Variants in HNRNPH1 observed in about 807,000 individuals in gnomAD.
HNRNPH1 encodes the protein heterogeneous nuclear ribonucleoprotein H.
Under a neutral mutation model 58.6 loss-of-function variants are expected in HNRNPH1, and 4 were observed. The observed-to-expected ratio is 0.07, with a 90% CI of 0.03 to 0.16. The LOEUF (loss-of-function observed/expected upper bound fraction) is 0.16, where lower values mean the gene tolerates loss of function less well. Among genes scored for constraint, HNRNPH1 ranks in the 10% least tolerant of loss-of-function variants. The pLI, the probability that HNRNPH1 is intolerant of heterozygous loss-of-function variation, is 1.00. For missense variants in HNRNPH1, 271 were observed against 564.2 expected (o/e 0.48, Z 5.26); for synonymous variants, 192 against 189.2 (o/e 1.01, Z -0.12).
At chr5:179,619,167 T>TA in intron 4 of HNRNPH1, 102 bp downstream of exon 5, 1 of 1,030,314 alleles carries the variant, frequency 9.7e-7, no homozygotes. Context: ...ATCAATTACC[T>TA]AGGACTACAA....
chr5:179,622,988 G>T, intron 1 of HNRNPH1, 49 bp downstream of exon 2: 1 of 493,530 alleles, frequency 2.0e-6, no homozygotes, highest in Non-Finnish European at 3.0e-6. Flanking sequence ...CCGCCAGCCC[G>T]CCCGCCCCGG....
intron 2 of HNRNPH1, among the ~76,000 whole-genome samples, chr5:179,632,213 CAGG>C (rs1774896152): frequency 1.3e-5 from 2 of 151,938 alleles, no homozygotes; most frequent in Admixed American, 1.3e-4. Context: ...GAGGCTGAGG[CAGG>C]AGAATGGCGT....
At position 179,617,669 on chromosome 5, in the gene HNRNPH1, A is replaced by G; in HGVS notation, c.922-20T>C. The G allele has an allele frequency of 6.2e-7, 1 of 1,609,040 alleles. No homozygotes were observed. The highest frequency in any genetic ancestry group is 8.5e-7 in the Non-Finnish European group (1 of 1,177,648). ...AAAAAACTACAACACAAGGCATTTC[A>G]AAGAATTCAACCAACTTTCTAACGT... On this transcript the variant is annotated intron_variant, in intron 7 of 12. Coordinates refer to ENST00000356731, the Ensembl canonical transcript of HNRNPH1.
chr5:179,614,731 G>A, exon 13 of HNRNPH1: 1 of 607,000 alleles, frequency 1.6e-6, no homozygotes, highest in Non-Finnish European at 2.8e-6. Flanking sequence ...CTTAGAGTAA[G>A]CATAAATCAC....
upstream of HNRNPH1, among the ~76,000 whole-genome samples, chr5:179,627,882 A>G (rs1562365427): frequency 1.3e-5 from 2 of 151,314 alleles, no homozygotes; most frequent in Non-Finnish European, 2.9e-5. Context: ...AGATCCTGCC[A>G]CTGTACTCCA....
chr5:179,619,243 A>AT, intron 4 of HNRNPH1, 26 bp downstream of exon 5: 1 of 1,577,592 alleles, frequency 6.3e-7, no homozygotes, highest in South Asian at 1.2e-5. Flanking sequence ...GAAAAGTGAC[A>AT]TATCCAACCA....
At chr5:179,625,951 A>ATTTTTTTTTTTTTTTT (rs1381471661), upstream of HNRNPH1, among the ~76,000 whole-genome samples, 1 of 149,788 alleles carries the variant, frequency 6.7e-6, no homozygotes, top group African/African-American at 2.5e-5. Context: ...TTATTTATTT[A>ATTTTTTTTTTTTTTTT]TTTATTTATT....
intron 1 of HNRNPH1, among the ~76,000 whole-genome samples, chr5:179,622,497 G>A (rs1326067438): frequency 6.6e-6 from 1 of 152,186 alleles, no homozygotes; most frequent in Non-Finnish European, 1.5e-5. Context: ...GATCACTTGA[G>A]GTCAGATGTT....
intron 1 of HNRNPH1, 56 bp from the exon 3 acceptor site, chr5:179,621,453 G>GAC (rs1020374702): frequency 1.4e-6 from 2 of 1,464,146 alleles, no homozygotes; most frequent in Non-Finnish European, 1.9e-6. Context: ...ACCTCTGGGT[G>GAC]ACACAGATGA....
At chr5:179,621,960 G>A (rs1437826796) in intron 1 of HNRNPH1, 3 of 456,164 alleles carry the variant, frequency 6.6e-6, no homozygotes, top group African/African-American at 6.0e-5. Flanking sequence ...TTTACAGGTC[G>A]CTTTCCGTTA....
exon 10 of HNRNPH1, chr5:179,616,927 A>G: frequency 6.2e-7 from 1 of 1,614,156 alleles, no homozygotes; most frequent in Middle Eastern, 1.6e-4. Context: ...CTCCTGCTGT[A>G]GAATTCAAGA....
intron 10 of HNRNPH1, 149 bp downstream of exon 11, chr5:179,616,720 A>T: frequency 1.5e-6 from 1 of 680,422 alleles, no homozygotes; most frequent in Non-Finnish European, 2.5e-6. Context: ...CAAGGATTTA[A>T]GTAAGCCAGA....
At chr5:179,619,587 A>AT (rs1424827971) in intron 3 of HNRNPH1, 180 bp from the exon 5 acceptor site, 4 of 536,364 alleles carry the variant, frequency 7.5e-6, no homozygotes, top group East Asian at 6.1e-5. Context: ...ATTATAAAGT[A>AT]TAACTATTCT....
At chr5:179,626,136 C>T (rs1444969987), upstream of HNRNPH1, among the ~76,000 whole-genome samples, 1 of 146,648 alleles carries the variant, frequency 6.8e-6, no homozygotes, top group Non-Finnish European at 1.5e-5. Context: ...GACAGTCTAA[C>T]TCTGTCACCC....
chr5:179,624,885 G>A (rs898678312), upstream of HNRNPH1, among the ~76,000 whole-genome samples: 5 of 152,306 alleles, frequency 3.3e-5, no homozygotes, highest in South Asian at 2.1e-4. Flanking sequence ...CACAGAGTCC[G>A]AATCCAGTTT....
chr5:179,632,337 C>T (rs1774910880), intron 2 of HNRNPH1, among the ~76,000 whole-genome samples: 1 of 152,060 alleles, frequency 6.6e-6, no homozygotes, highest in South Asian at 2.1e-4. Flanking sequence ...AAGAAAAGGG[C>T]GTCTCGGTTA....
intron 11 of HNRNPH1, chr5:179,615,826 G>A (rs1240839155): frequency 1.9e-6 from 1 of 520,128 alleles, no homozygotes; most frequent in Non-Finnish European, 3.4e-6. Context: ...CATGGAGGCA[G>A]ATATTTTCTG....
At chr5:179,617,731 C>T in intron 7 of HNRNPH1, 68 bp downstream of exon 8, 2 of 1,606,710 alleles carry the variant, frequency 1.2e-6, no homozygotes, top group East Asian at 2.2e-5. Context: ...ATAGTGCTCA[C>T]ATTTATAGAA....
intron 2 of HNRNPH1, among the ~76,000 whole-genome samples, chr5:179,632,619 G>A (rs929236266): frequency 6.6e-6 from 1 of 152,256 alleles, no homozygotes; most frequent in Non-Finnish European, 1.5e-5. Flanking sequence ...AGGAGGGACC[G>A]AGCACGCCCT....
Sources: gnomAD v4.1 joint callset for allele counts (sites outside exome capture counted in the v4.1 genomes callset) on GRCh38, gnomAD v4.1.1 for gene constraint, MANE v1.5 for transcripts, NCBI Gene and HGNC (gene_info 2026-07-23, HGNC 2026-07-21) for gene names.